The following TAF4 variants were observed in gnomAD, a reference collection of about 807,000 sequenced individuals.
The protein encoded by TAF4 is transcription initiation factor TFIID subunit 4.
In TAF4, 9 loss-of-function variants were observed where a neutral mutation model predicts 90.3. The ratio of observed to expected loss-of-function variants is 0.10; its 90% CI spans 0.06 to 0.17. TAF4 has a LOEUF of 0.17. Among genes scored for constraint, TAF4 ranks in the 10% least tolerant of loss-of-function variants. The pLI, the probability that TAF4 is intolerant of heterozygous loss-of-function variation, is 1.00. For synonymous variants in TAF4, 818 were observed against 638.9 expected (o/e 1.28, Z -4.23); for missense variants, 1,351 against 1,370.7 (o/e 0.99, Z 0.23).
In TAF4 at chr20:62,064,515, C is replaced by A; in HGVS notation, c.1296G>T (p.Leu432=). Residue 432 remains leucine (L), a synonymous_variant, in exon 1 of 15, where the codon CTG becomes CTT. Transcript: ENST00000252996. ...GIRATLTPTV[L]APRLPQPPQN... ...GAGGCGGCTGCGGCAAGCGGGGGGC[C>A]AGCACGGTGGGCGTCAGGGTGGCCC... 1 of 1,528,762 alleles carries A rather than the reference C, an allele frequency of 6.5e-7. No homozygotes were observed. 94.7% of individuals were successfully genotyped at this position (1,528,762 alleles called of 1,614,324 possible).
At chr20:62,025,417 G>C (rs2055869143) in intron 1 of TAF4, among the ~76,000 whole-genome samples, 2 of 152,206 alleles carry the variant, frequency 1.3e-5, no homozygotes. Context: ...AAAAGAGAGA[G>C]TACACACCAT....
At chr20:62,041,826 G>C (rs1037230180) in intron 1 of TAF4, among the ~76,000 whole-genome samples, 2 of 151,292 alleles carry the variant, frequency 1.3e-5, no homozygotes, top group African/African-American at 4.9e-5. Context: ...CAGCTACTTA[G>C]GGGAGGCCAA....
At chr20:62,000,519 T>C in intron 10 of TAF4, 33 bp downstream of exon 10, 2 of 1,600,714 alleles carry the variant, frequency 1.2e-6, no homozygotes, top group Non-Finnish European at 1.7e-6. Flanking sequence ...CGCAGCTGTT[T>C]AATAAGAACT....
chr20:62,021,721 G>C (rs949667400), intron 1 of TAF4, among the ~76,000 whole-genome samples: 2 of 152,164 alleles, frequency 1.3e-5, no homozygotes, highest in Admixed American at 1.3e-4. Context: ...GGGGTGGGTG[G>C]GCCAGCAGAG....
rs1390219621 is a variant in TAF4, at chr20:62,056,758, CTG to C, written c.1360+7691_1360+7692del. ...CTGGGCCAGGTGACGTTACAAGTGA[CTG>C]TATTTTCTTCTTTACAGTTTACTTC... is the stretch of plus-strand genomic sequence containing the variant. On this transcript the variant is annotated intron_variant, in intron 1 of 14. Transcript: ENST00000252996. 6.6e-5 allele frequency among the ~76,000 whole-genome samples: 10 copies of C among 152,158 alleles called. No homozygotes were observed. The East Asian group carries it at 7.7e-4, about 12-fold the overall frequency.
intron 1 of TAF4, among the ~76,000 whole-genome samples, chr20:62,023,212 C>T (rs1212987855): frequency 3.9e-5 from 6 of 152,240 alleles, no homozygotes; most frequent in African/African-American, 7.2e-5. Context: ...GAGGCCAAGG[C>T]GGGCAGATCA....
intron 2 of TAF4, 46 bp downstream of exon 2, chr20:62,014,501 G>A (rs1416439193): frequency 6.5e-7 from 1 of 1,548,272 alleles, no homozygotes; most frequent in Non-Finnish European, 8.7e-7. Flanking sequence ...GGGGAGAGGG[G>A]CTGGGCAGGG....
intron 1 of TAF4, among the ~76,000 whole-genome samples, chr20:62,045,553 G>C (rs756440778): frequency 1.3e-5 from 2 of 152,350 alleles, no homozygotes; most frequent in East Asian, 1.9e-4. Context: ...CAGGAATACA[G>C]ACTAGCATGC....
At chr20:62,017,676 T>G (rs577181799) in intron 1 of TAF4, among the ~76,000 whole-genome samples, 1 of 151,856 alleles carries the variant, frequency 6.6e-6, no homozygotes, top group South Asian at 2.1e-4. Context: ...TTAAAAAAAT[T>G]GCATCCAAAA....
chr20:61,982,618 CACCCGAGAGGAGACACCAAACCCA>C (rs1444187433), intron 14 of TAF4, among the ~76,000 whole-genome samples: 17 of 129,284 alleles, frequency 1.3e-4, no homozygotes, highest in African/African-American at 1.7e-4. Flanking sequence ...AACCCACACC[CACCCGAGAGGAGACACCAAACCCA>C]CACCCACCCG....
intron 1 of TAF4, among the ~76,000 whole-genome samples, chr20:62,036,285 G>T (rs780229662): frequency 6.6e-6 from 1 of 152,160 alleles, no homozygotes; most frequent in African/African-American, 2.4e-5. Flanking sequence ...TCGGCCTCCC[G>T]AAGTGCTGGG....
chr20:62,032,970 A>G (rs764867161), intron 1 of TAF4, among the ~76,000 whole-genome samples: 2 of 152,188 alleles, frequency 1.3e-5, no homozygotes, highest in Non-Finnish European at 2.9e-5. Context: ...CTGAGCACCG[A>G]GACTGGCTTC....
intron 1 of TAF4, among the ~76,000 whole-genome samples, chr20:62,045,282 T>C (rs1393850527): frequency 6.6e-6 from 1 of 152,196 alleles, no homozygotes; most frequent in Non-Finnish European, 1.5e-5. Flanking sequence ...ACACAAGGTC[T>C]GGAATGTTCT....
At chr20:62,015,796 T>C (rs28382039) in intron 1 of TAF4, among the ~76,000 whole-genome samples, 1 of 152,326 alleles carries the variant, frequency 6.6e-6, no homozygotes, top group Admixed American at 6.5e-5. Context: ...GCTATGACGC[T>C]GGGGCACTCT....
chr20:62,019,733 T>C (rs1312703732), intron 1 of TAF4, among the ~76,000 whole-genome samples: 2 of 152,182 alleles, frequency 1.3e-5, no homozygotes, highest in African/African-American at 4.8e-5. Flanking sequence ...TGTGAGTGAA[T>C]CCCACCCTCC....
chr20:62,048,312 A>C (rs1016629252), intron 1 of TAF4, among the ~76,000 whole-genome samples: 7 of 152,138 alleles, frequency 4.6e-5, no homozygotes, highest in Admixed American at 4.6e-4. Flanking sequence ...TCCTGGACAC[A>C]CCTAGGAAAG....
At chr20:62,063,286 T>TTCAAA (rs2056100150) in intron 1 of TAF4, among the ~76,000 whole-genome samples, 1 of 152,190 alleles carries the variant, frequency 6.6e-6, no homozygotes. Flanking sequence ...TCTGCAACCC[T>TTCAAA]GTCAAAGTGA....
intron 1 of TAF4, among the ~76,000 whole-genome samples, chr20:62,046,914 G>C (rs2145508439): frequency 6.6e-6 from 1 of 152,256 alleles, no homozygotes; most frequent in South Asian, 2.1e-4. Context: ...ACCGTTGTTT[G>C]TCGTCTTGTT....
At chr20:62,007,507 T>A in intron 6 of TAF4, 40 bp downstream of exon 6, 1 of 1,584,990 alleles carries the variant, frequency 6.3e-7, no homozygotes, top group Non-Finnish European at 8.7e-7. Flanking sequence ...CACCCCTCCC[T>A]GGCCCTACTG....
Sources: gnomAD v4.1 joint callset for allele counts (sites outside exome capture counted in the v4.1 genomes callset) on GRCh38, gnomAD v4.1.1 for gene constraint, MANE v1.5 for transcripts, NCBI Gene and HGNC (gene_info 2026-07-23, HGNC 2026-07-21) for gene names.